DTNBP1: variants seen among roughly 807,000 people sequenced by gnomAD.
DTNBP1 encodes the protein dystrobrevin binding protein 1.
DTNBP1 carries 35 observed loss-of-function variants against 42.8 expected under a neutral mutation model. That is an observed-to-expected ratio of 0.82 (90% CI 0.63 to 1.09). The LOEUF (loss-of-function observed/expected upper bound fraction) is 1.09, where lower values mean the gene tolerates loss of function less well. DTNBP1 is among the 50% of genes least tolerant of loss of function. The probability of loss-of-function intolerance (pLI) is 0.00; values close to 1 mark genes in which losing one functional copy is unlikely to be tolerated. For synonymous variants in DTNBP1, 171 were observed against 162.2 expected (o/e 1.05, Z -0.41); for missense variants, 457 against 424.2 (o/e 1.08, Z -0.68).
chr6:15,575,699 A>G (rs1265594890), intron 7 of DTNBP1, among the ~76,000 whole-genome samples: 1 of 152,232 alleles, frequency 6.6e-6, no homozygotes, highest in Non-Finnish European at 1.5e-5. Flanking sequence ...CACTCAGCAA[A>G]TTATACTCAT....
intron 2 of DTNBP1, 86 bp downstream of exon 2, chr6:15,652,001 A>C: frequency 8.4e-7 from 1 of 1,195,830 alleles, no homozygotes; most frequent in Admixed American, 1.8e-5. Flanking sequence ...TCTAAGGTTC[A>C]TTAATATAAC....
chr6:15,615,476 GT>G, intron 5 of DTNBP1, 77 bp from the exon 6 acceptor site: 1 of 1,571,854 alleles, frequency 6.4e-7, no homozygotes. Context: ...TATCAAAAAG[GT>G]AAAAGTTCAC....
chr6:15,523,019 C>T lies in DTNBP1; in HGVS notation c.1012G>A (p.Asp338Asn). Residue 338 changes from aspartate to asparagine, a missense_variant, in exon 10 of 10, where the codon GAC (aspartate) becomes AAC (asparagine). By Grantham distance (23) the Asp-to-Asn change is conservative (BLOSUM62 1). Transcript: ENST00000344537. ...VDTALATSHTDREATPDGGED... is the reference protein window; with the variant it reads ...VDTALATSHTNREATPDGGED... ...CCACCATCCGGAGTGGCCTCTCTGT[C>T]AGTGTGTGATGTGGCCAGGGCAGTG... is the stretch of plus-strand genomic sequence containing the variant. 10 of 1,614,220 alleles carry T rather than the reference C, an allele frequency of 6.2e-6. No homozygotes were observed. The highest frequency in any genetic ancestry group is 8.5e-6 in the Non-Finnish European group (10 of 1,180,046).
chr6:15,654,861 T>C (rs927680876), intron 1 of DTNBP1, among the ~76,000 whole-genome samples: 3 of 152,228 alleles, frequency 2.0e-5, no homozygotes, highest in East Asian at 1.9e-4. Context: ...AGTCTGATTA[T>C]GGACTGCATA....
intron 3 of DTNBP1, among the ~76,000 whole-genome samples, chr6:15,641,029 C>A (rs1162383518): frequency 6.6e-6 from 1 of 152,192 alleles, no homozygotes. Context: ...CAGGGAGATG[C>A]AGACACAGAG....
At chr6:15,561,033 C>T (rs1379319788) in intron 7 of DTNBP1, among the ~76,000 whole-genome samples, 2 of 152,146 alleles carry the variant, frequency 1.3e-5, no homozygotes, top group Non-Finnish European at 1.5e-5. Flanking sequence ...AAATGGGAGA[C>T]TGGAGAGAGA....
At chr6:15,631,380 G>A (rs1759685303) in intron 4 of DTNBP1, among the ~76,000 whole-genome samples, 1 of 152,050 alleles carries the variant, frequency 6.6e-6, no homozygotes, top group African/African-American at 2.4e-5. Context: ...CATCTGACAG[G>A]AAATTCTTTC....
At chr6:15,624,742 T>C (rs1759242437) in intron 5 of DTNBP1, among the ~76,000 whole-genome samples, 1 of 152,174 alleles carries the variant, frequency 6.6e-6, no homozygotes, top group Non-Finnish European at 1.5e-5. Context: ...TTTTTATTAT[T>C]GCTTAACTAT....
At chr6:15,543,882 G>C (rs1227934248) in intron 7 of DTNBP1, among the ~76,000 whole-genome samples, 1 of 152,172 alleles carries the variant, frequency 6.6e-6, no homozygotes, top group South Asian at 2.1e-4. Flanking sequence ...TCCAACCCTA[G>C]CCAATAGGGG....
intron 7 of DTNBP1, among the ~76,000 whole-genome samples, chr6:15,570,927 T>C (rs1775312797): frequency 6.6e-6 from 1 of 152,116 alleles, no homozygotes; most frequent in Admixed American, 6.6e-5. Flanking sequence ...ATATAACATA[T>C]GGTTTAACAT....
intron 8 of DTNBP1, among the ~76,000 whole-genome samples, chr6:15,526,414 G>A (rs960296494): frequency 6.6e-6 from 1 of 152,260 alleles, no homozygotes; most frequent in Non-Finnish European, 1.5e-5. Context: ...TCATCTGGGA[G>A]GAAAGTGAGT....
intron 4 of DTNBP1, among the ~76,000 whole-genome samples, chr6:15,627,691 A>T (rs1168551444): frequency 1.3e-5 from 2 of 152,138 alleles, no homozygotes; most frequent in Admixed American, 1.3e-4. Context: ...GTATCAGTGC[A>T]TCTTAACCCA....
chr6:15,568,577 A>G (rs1437139730), intron 7 of DTNBP1, among the ~76,000 whole-genome samples: 1 of 152,118 alleles, frequency 6.6e-6, no homozygotes, highest in African/African-American at 2.4e-5. Context: ...AATAAAAGTT[A>G]TACCAAGTGT....
intron 3 of DTNBP1, among the ~76,000 whole-genome samples, chr6:15,645,572 T>C (rs1478834677): frequency 6.6e-6 from 1 of 151,998 alleles, no homozygotes; most frequent in Non-Finnish European, 1.5e-5. Flanking sequence ...CAACAGCACA[T>C]CAAAGAGATA....
In DTNBP1 at chr6:15,541,956, CCT is replaced by C. The variant is rs777756951; in HGVS notation, c.512-8563_512-8562del. 1.2e-3 allele frequency among the ~76,000 whole-genome samples: 184 copies of C among 152,152 alleles called. 1 individual carries two copies. The highest frequency in any genetic ancestry group is 3.7e-3 in the Admixed American group (57 of 15,292). ...GTCATGTATAGAAAACTAGGATAAGCCTCTCTCTTAAGAGTTCAAAATGTTAA... is the reference window on the plus strand; with the variant it reads ...GTCATGTATAGAAAACTAGGATAAGCCTCTCTTAAGAGTTCAAAATGTTAA... On this transcript the variant is annotated intron_variant, in intron 7 of 9. Transcript: ENST00000344537.
At chr6:15,527,740 G>C (rs902272843) in intron 8 of DTNBP1, among the ~76,000 whole-genome samples, 1 of 152,148 alleles carries the variant, frequency 6.6e-6, no homozygotes, top group Non-Finnish European at 1.5e-5. Context: ...ATCGTAAATA[G>C]AGATGAAAGG....
chr6:15,615,308 A>T lies in DTNBP1; in HGVS notation c.447T>A (p.His149Gln). The T allele has an allele frequency of 6.2e-7, 1 of 1,614,144 alleles. No individual in the cohort carries two copies. The highest frequency in any genetic ancestry group is 1.1e-5 in the South Asian group (1 of 91,082). ...CGQCELERCK[H>Q]MQSQQLENYK... is the part of the protein sequence containing the mutation. ...AATTCTCCAGTTGCTGGGACTGCAT[A>T]TGTTTGCATCTTTCTAATTCACACT... Residue 149 changes from histidine (H) to glutamine (Q), a missense_variant, in exon 6 of 10, where the codon CAT (histidine) becomes CAA (glutamine). Coordinates refer to ENST00000344537, the MANE Select transcript of DTNBP1 (RefSeq NM_032122.5).
chr6:15,543,716 A>C (rs1581290091), intron 7 of DTNBP1, among the ~76,000 whole-genome samples: 1 of 151,714 alleles, frequency 6.6e-6, no homozygotes, highest in Non-Finnish European at 1.5e-5. Context: ...TCAGTAAATG[A>C]CCCCCTCCTA....
intron 4 of DTNBP1, among the ~76,000 whole-genome samples, chr6:15,629,576 CAGAT>C (rs1345467929): frequency 6.6e-6 from 1 of 152,058 alleles, no homozygotes; most frequent in Non-Finnish European, 1.5e-5. Context: ...GAAGGGTAAA[CAGAT>C]TCTCAGAAAT....
Sources: gnomAD v4.1 joint callset for allele counts (sites outside exome capture counted in the v4.1 genomes callset) on GRCh38, gnomAD v4.1.1 for gene constraint, MANE v1.5 for transcripts, NCBI Gene and HGNC (gene_info 2026-07-23, HGNC 2026-07-21) for gene names.